Variants in XKR9 observed in about 807,000 individuals in gnomAD.
XKR9 encodes XK related 9.
Under a neutral mutation model 32.0 loss-of-function variants are expected in XKR9, and 32 were observed. The ratio of observed to expected loss-of-function variants is 1.00; its 90% confidence interval spans 0.76 to 1.34. The LOEUF is 1.34. Ranked by LOEUF, XKR9 falls within the 40% of genes most tolerant of loss-of-function variation. XKR9 has a pLI of 0.00. For missense variants in XKR9, 546 were observed against 429.7 expected (o/e 1.27, Z -2.39); for synonymous variants, 168 against 143.4 (o/e 1.17, Z -1.22).
chr8:71,055,829 AT>A, the XKR9 span, among the ~76,000 whole-genome samples: 1 of 152,236 alleles, frequency 6.6e-6, no homozygotes, highest in African/African-American at 2.4e-5. Flanking sequence ...TCTAAAAGTA[AT>A]TGTTTGAGTT....
rs1025768892 is a variant in XKR9 at position 70,767,638 on chromosome 8, A to T, written n.353-21701A>T. Among the ~76,000 whole-genome samples the T allele has an allele frequency of 2.6e-5, 4 of 151,520 alleles. No individual in the cohort carries two copies. The East Asian group carries it at 7.8e-4, about 29-fold the overall frequency. On this transcript the variant is annotated intron_variant and non_coding_transcript_variant, in intron 2 of 3. Transcript: ENST00000520273. ...CAGCCTCCCAAGTAGCTGGGACTAC[A>T]GGTGCCCGCCACCATGACTGGCTAA... is the stretch of plus-strand genomic sequence containing the variant.
At chr8:70,804,817 C>A in the XKR9 span, among the ~76,000 whole-genome samples, 1 of 152,112 alleles carries the variant, frequency 6.6e-6, no homozygotes, top group Non-Finnish European at 1.5e-5. Flanking sequence ...TTCATGGACT[C>A]ATTTTATTTT....
the XKR9 span, among the ~76,000 whole-genome samples, chr8:70,957,752 G>A: frequency 7.2e-3 from 1,057 of 146,516 alleles, 11 homozygotes; most frequent in African/African-American, 0.025. Flanking sequence ...TCCATGGTGC[G>A]TATGTACCAC....
the XKR9 span, among the ~76,000 whole-genome samples, chr8:70,999,769 T>C: frequency 6.6e-6 from 1 of 152,210 alleles, no homozygotes; most frequent in African/African-American, 2.4e-5. Flanking sequence ...AGTTTTAAAC[T>C]CCAATGTTCC....
the XKR9 span, among the ~76,000 whole-genome samples, chr8:70,961,509 C>T: frequency 6.2e-4 from 95 of 152,224 alleles, no homozygotes; most frequent in African/African-American, 2.1e-3. Flanking sequence ...TATTCCAAAA[C>T]GACCAAGTCT....
the XKR9 span, among the ~76,000 whole-genome samples, chr8:70,973,734 G>A: frequency 1.3e-5 from 2 of 152,130 alleles, no homozygotes; most frequent in African/African-American, 4.8e-5. Context: ...AGTCACTCAG[G>A]AGCAGGTTAT....
the XKR9 span, among the ~76,000 whole-genome samples, chr8:70,943,065 C>G: frequency 1.4e-5 from 1 of 73,448 alleles, no homozygotes; most frequent in South Asian, 2.9e-4. Context: ...TTTTTATTAG[C>G]AAATTAATAA....
the XKR9 span, among the ~76,000 whole-genome samples, chr8:70,809,631 G>T: frequency 2.0e-5 from 3 of 152,190 alleles, no homozygotes; most frequent in Non-Finnish European, 4.4e-5. Context: ...CACGGCATGA[G>T]AACTACATGA....
At chr8:70,854,730 T>C in the XKR9 span, among the ~76,000 whole-genome samples, 1 of 152,224 alleles carries the variant, frequency 6.6e-6, no homozygotes, top group Non-Finnish European at 1.5e-5. Context: ...CAGTTTCAGC[T>C]TTCTACATAT....
chr8:70,910,888 G>A, the XKR9 span, among the ~76,000 whole-genome samples: 3 of 152,204 alleles, frequency 2.0e-5, no homozygotes, highest in Non-Finnish European at 2.9e-5. Flanking sequence ...GTCAGCTGAA[G>A]GCTGTTCTCA....
the XKR9 span, among the ~76,000 whole-genome samples, chr8:70,880,176 G>T: frequency 6.6e-6 from 1 of 152,128 alleles, no homozygotes; most frequent in African/African-American, 2.4e-5. Flanking sequence ...CATACTGAAT[G>T]GGCAAAAACT....
the XKR9 span, among the ~76,000 whole-genome samples, chr8:70,989,610 C>G: frequency 6.6e-6 from 1 of 152,180 alleles, no homozygotes; most frequent in East Asian, 1.9e-4. Flanking sequence ...GTAAAGAATG[C>G]AGGCTCTGGG....
At chr8:70,748,347 C>T (rs926430635) in intron 2 of XKR9, among the ~76,000 whole-genome samples, 2 of 152,238 alleles carry the variant, frequency 1.3e-5, no homozygotes, top group Admixed American at 6.5e-5. Context: ...GCCCCCTTCC[C>T]CCCACAGGCT....
chr8:71,028,951 A>G, the XKR9 span, among the ~76,000 whole-genome samples: 2 of 150,248 alleles, frequency 1.3e-5, no homozygotes, highest in Admixed American at 1.3e-4. Flanking sequence ...GATTTATGAC[A>G]GTATTAAAGA....
At chr8:70,792,337 T>C (rs962184981), downstream of XKR9, among the ~76,000 whole-genome samples, 1 of 152,064 alleles carries the variant, frequency 6.6e-6, no homozygotes, top group Admixed American at 6.6e-5. Flanking sequence ...AGAGCAGGGA[T>C]AAGTACCAAG....
chr8:70,755,247 A>C (rs183444967), intron 2 of XKR9, among the ~76,000 whole-genome samples: 1,601 of 152,302 alleles, frequency 0.011, 26 homozygotes, highest in African/African-American at 0.037. Flanking sequence ...ATCATTAAAA[A>C]GTCAGGAAAC....
chr8:70,721,562 C>T (rs1806282658), intron 4 of XKR9, among the ~76,000 whole-genome samples: 3 of 152,078 alleles, frequency 2.0e-5, no homozygotes. Flanking sequence ...GTTATTTACC[C>T]AGTAGTCATT....
rs139259279 is a variant in XKR9, at chr8:70,787,180, T to C, written n.353-2159T>C. ...AATAACATCCTGTATCTCCATGTTG[T>C]AGCCAAATGCTTTCACTGAAAACAA... On this transcript the variant is annotated intron_variant and non_coding_transcript_variant, in intron 2 of 3. Transcript: ENST00000520273. Among the ~76,000 whole-genome samples the C allele has an allele frequency of 6.0e-3, 914 of 152,274 alleles. 8 individuals carry two copies. The highest frequency in any genetic ancestry group is 0.018 in the African/African-American group (753 of 41,580).
At chr8:70,741,324 T>C (rs1806977700) in intron 2 of XKR9, among the ~76,000 whole-genome samples, 1 of 152,244 alleles carries the variant, frequency 6.6e-6, no homozygotes, top group Non-Finnish European at 1.5e-5. Context: ...TTTGATGCCC[T>C]CTGCCATGTT....
Sources: gnomAD v4.1 joint callset for allele counts (sites outside exome capture counted in the v4.1 genomes callset) on GRCh38, gnomAD v4.1.1 for gene constraint, MANE v1.5 for transcripts, NCBI Gene and HGNC (gene_info 2026-07-23, HGNC 2026-07-21) for gene names.